TMCC3: variants seen among roughly 807,000 people sequenced by gnomAD.
TMCC3 encodes the protein transmembrane and coiled-coil domain family 3, also known as transmembrane and coiled-coil domain protein 3.
Under a neutral mutation model 40.2 loss-of-function variants are expected in TMCC3, and 28 were observed. The observed-to-expected ratio is 0.70, with a 90% CI of 0.52 to 0.95. TMCC3 has a LOEUF of 0.95. TMCC3 is among the 40% of genes least tolerant of loss of function. The pLI is 0.00. For missense variants in TMCC3, 554 were observed against 615.2 expected (o/e 0.90, Z 1.05); for synonymous variants, 255 against 248.5 (o/e 1.03, Z -0.25).
In TMCC3 at chr12:94,582,194, T is replaced by C. The variant is rs762027867; in HGVS notation, c.423A>G (p.Arg141=). Residue 141 remains arginine (R), a synonymous_variant, in exon 2 of 4, where the codon AGA becomes AGG. Transcript: ENST00000261226. ...KKLEQYHRKL[R]EIEQNGASRS... ...TAGAGGCTCCATTCTGCTCGATCTC[T>C]CTGAGCTTTCGATGATACTGCTCTA... 5.8e-5 allele frequency: 93 copies of C among 1,614,172 alleles called. No homozygotes were observed. The highest frequency in any genetic ancestry group is 7.2e-5 in the Non-Finnish European group (85 of 1,180,030).
intron 1 of TMCC3, among the ~76,000 whole-genome samples, chr12:94,633,741 T>C (rs2036383): frequency 0.97 from 147,016 of 152,226 alleles, 71,084 homozygotes; most frequent in African/African-American, 0.99. Flanking sequence ...GAAAAATATC[T>C]AGGCTCATTT....
rs920522690 is a variant in TMCC3 at position 94,614,756 on chromosome 12, G to A, written c.79-32218C>T. ...GACTTTTTTCTTTTTTTAAACAACA[G>A]ACAGATTTTTTTTTTTTTTTTTGGT... On this transcript the variant is annotated intron_variant, in intron 1 of 3. Transcript: ENST00000261226. Among the ~76,000 whole-genome samples the A allele has an allele frequency of 2.0e-5, 3 of 149,742 alleles. No individual in the cohort carries two copies. In the East Asian group the frequency reaches 5.8e-4, roughly 29 times the overall value.
chr12:94,642,885 C>T (rs936308343), intron 1 of TMCC3, among the ~76,000 whole-genome samples: 9 of 152,058 alleles, frequency 5.9e-5, no homozygotes, highest in African/African-American at 2.2e-4. Flanking sequence ...TACCATGCGG[C>T]AGGGTACACT....
At chr12:94,580,626 T>TC (rs1253814866) in intron 2 of TMCC3, among the ~76,000 whole-genome samples, 1 of 152,014 alleles carries the variant, frequency 6.6e-6, no homozygotes, top group Non-Finnish European at 1.5e-5. Flanking sequence ...TCCCAGCTAC[T>TC]CGGGAGGCTT....
chr12:94,586,762 C>A (rs1289648531), intron 1 of TMCC3, among the ~76,000 whole-genome samples: 3 of 152,208 alleles, frequency 2.0e-5, no homozygotes, highest in African/African-American at 7.2e-5. Flanking sequence ...CTTGTATGCA[C>A]AGGAATGTTT....
chr12:94,649,612 C>T (rs1450140112), intron 1 of TMCC3, among the ~76,000 whole-genome samples: 1 of 152,192 alleles, frequency 6.6e-6, no homozygotes, highest in Non-Finnish European at 1.5e-5. Flanking sequence ...AGGTATTCAC[C>T]GGGGAGGGCG....
At chr12:94,603,198 C>T (rs1189864343) in intron 1 of TMCC3, among the ~76,000 whole-genome samples, 1 of 152,214 alleles carries the variant, frequency 6.6e-6, no homozygotes, top group East Asian at 1.9e-4. Flanking sequence ...AATTCTCATG[C>T]CTCAGCTTCC....
At chr12:94,605,783 G>A (rs1354264918) in intron 1 of TMCC3, among the ~76,000 whole-genome samples, 1 of 152,118 alleles carries the variant, frequency 6.6e-6, no homozygotes, top group Non-Finnish European at 1.5e-5. Context: ...CTTTCCTGAA[G>A]AGTGCAATGC....
chr12:94,650,173 T>TCCGACGCCC (rs1417622258), intron 1 of TMCC3, among the ~76,000 whole-genome samples, 180 bp downstream of exon 1: 2 of 152,036 alleles, frequency 1.3e-5, no homozygotes, highest in Admixed American at 6.5e-5. Flanking sequence ...CAGCCTGGGC[T>TCCGACGCCC]CCGACGCCCC....
chr12:94,642,639 C>T (rs1273121866), intron 1 of TMCC3, among the ~76,000 whole-genome samples: 1 of 152,244 alleles, frequency 6.6e-6, no homozygotes, highest in Non-Finnish European at 1.5e-5. Flanking sequence ...CTGGAGAGAA[C>T]TCAAAGTGTT....
intron 1 of TMCC3, among the ~76,000 whole-genome samples, chr12:94,615,517 A>C (rs2068842947): frequency 6.6e-6 from 1 of 152,236 alleles, no homozygotes; most frequent in South Asian, 2.1e-4. Flanking sequence ...GAAAGACTAG[A>C]TATTAAAGTA....
At chr12:94,629,203 T>C (rs928207505) in intron 1 of TMCC3, among the ~76,000 whole-genome samples, 1 of 152,146 alleles carries the variant, frequency 6.6e-6, no homozygotes, top group Non-Finnish European at 1.5e-5. Flanking sequence ...TGAAAATTGA[T>C]ACCATCTGTC....
chr12:94,581,937 A>G lies in TMCC3; in HGVS notation c.680T>C (p.Leu227Ser), dbSNP rs548757280. Residue 227 changes from leucine to serine, a missense_variant, in exon 2 of 4, where the codon TTA becomes TCA. Coordinates refer to ENST00000261226, the MANE Select transcript of TMCC3 (RefSeq NM_020698.4). ...ACTCGCCTCTGGCCTAAACTCCTCTAAGGAATTTTTCAAGTGAGCAATGTT... is the reference window on the plus strand; with the variant it reads ...ACTCGCCTCTGGCCTAAACTCCTCTGAGGAATTTTTCAAGTGAGCAATGTT... Reference protein sequence around the residue: ...ADNIAHLKNSLEEFRPEASAR... With the variant: ...ADNIAHLKNSSEEFRPEASAR... The G allele has an allele frequency of 3.7e-6, 6 of 1,614,050 alleles. No individual in the cohort carries two copies.
rs117835459 is a variant in TMCC3 at position 94,599,840 on chromosome 12, T to C, written c.79-17302A>G. 6.5e-3 allele frequency among the ~76,000 whole-genome samples: 996 copies of C among 152,340 alleles called. 9 individuals are homozygous for C. Among genetic ancestry groups the C allele is most frequent in the Non-Finnish European group, 9.4e-3 (640 of 68,030 alleles). On this transcript the variant is annotated intron_variant, in intron 1 of 3. Transcript: ENST00000261226. ...GAAAATCGTATTAGAAAGACATATC[T>C]AATGATTATAACTTGCTACTTCCTC...
chr12:94,645,101 A>G (rs1594302251), intron 1 of TMCC3, among the ~76,000 whole-genome samples: 1 of 152,198 alleles, frequency 6.6e-6, no homozygotes, highest in Non-Finnish European at 1.5e-5. Context: ...AGACTGTTTC[A>G]TTTACCATTG....
rs184784882 is a variant in TMCC3, at chr12:94,590,250, C to T, written c.79-7712G>A. Among the ~76,000 whole-genome samples the T allele has an allele frequency of 4.4e-3, 638 of 143,566 alleles. 8 individuals are homozygous for T. Among genetic ancestry groups the T allele is most frequent in the African/African-American group, 0.016 (587 of 36,014 alleles). The allele number at this position is 143,566 out of a possible 152,430, so 94.2% of individuals were successfully genotyped here. A position where few individuals can be genotyped will look rare whatever the true frequency, so the allele number is the denominator to read the frequency against. On this transcript the variant is annotated intron_variant, in intron 1 of 3. Transcript: ENST00000261226. The stretch of plus-strand genomic sequence containing the variant: ...CTGGGATTACAGGTGAGTGCCACCA[C>T]GCCCTGCTAATTTTTTTTTTTTTTT...
chr12:94,595,193 T>C (rs2068708269), intron 1 of TMCC3, among the ~76,000 whole-genome samples: 1 of 152,236 alleles, frequency 6.6e-6, no homozygotes, highest in South Asian at 2.1e-4. Flanking sequence ...CTAACTATAT[T>C]TTCCATGTGT....
chr12:94,568,467 C>T lies in TMCC3; in HGVS notation c.*2968G>A, dbSNP rs1260172412. On this transcript the variant is annotated 3_prime_UTR_variant, in exon 4 of 4. Coordinates refer to ENST00000261226, the MANE Select transcript of TMCC3 (RefSeq NM_020698.4). ...GCTTACCCACCCAACAAGCACTTTC[C>T]ATCTTTGGGTTTGCCCAAGATGTTT... 1.3e-5 allele frequency: 2 copies of T among 152,146 alleles called. No homozygotes were observed. The highest frequency in any genetic ancestry group is 6.5e-5 in the Admixed American group (1 of 15,270). 9.4% of individuals were successfully genotyped at this position (152,146 alleles called of 1,614,324 possible).
chr12:94,642,074 C>T (rs1434943415), intron 1 of TMCC3, among the ~76,000 whole-genome samples: 1 of 151,960 alleles, frequency 6.6e-6, no homozygotes, highest in East Asian at 1.9e-4. Flanking sequence ...ACTTTTTTAA[C>T]CTAGAAAAGT....
Sources: allele counts gnomAD v4.1 joint callset (sites outside exome capture counted in the v4.1 genomes callset), GRCh38; gene constraint gnomAD v4.1.1; transcripts MANE v1.5; gene names NCBI Gene and HGNC (gene_info 2026-07-23, HGNC 2026-07-21).